The following DPP6 variants were observed in gnomAD, a reference collection of about 807,000 sequenced individuals.
DPP6 encodes dipeptidyl peptidase like 6, also known as A-type potassium channel modulatory protein DPP6.
A neutral mutation model predicts 122.6 loss-of-function variants in DPP6; 69 were observed. The observed-to-expected ratio is 0.56, with a 90% CI of 0.46 to 0.69. The LOEUF (loss-of-function observed/expected upper bound fraction) is 0.69, where lower values mean the gene tolerates loss of function less well. DPP6 is among the 30% of genes least tolerant of loss of function. The pLI is 0.00. For synonymous variants in DPP6, 418 were observed against 433.1 expected, an observed-to-expected ratio of 0.97 and a Z score of 0.43; for missense variants, 928 against 1,116.9, an observed-to-expected ratio of 0.83 and a Z score of 2.41.
At chr7:154,567,818 G>A (rs1830855628) in intron 5 of DPP6, among the ~76,000 whole-genome samples, 1 of 152,186 alleles carries the variant, frequency 6.6e-6, no homozygotes, top group South Asian at 2.1e-4. Context: ...AGACAGTCAA[G>A]CTTTTTGGTT....
intron 3 of DPP6, among the ~76,000 whole-genome samples, chr7:154,495,681 C>A (rs548490997): frequency 6.6e-6 from 1 of 152,196 alleles, no homozygotes; most frequent in Non-Finnish European, 1.5e-5. Flanking sequence ...TGAGCCACTG[C>A]GGCCGGCCTG....
chr7:154,692,676 A>G (rs945202245), intron 7 of DPP6, among the ~76,000 whole-genome samples: 1 of 152,000 alleles, frequency 6.6e-6, no homozygotes, highest in African/African-American at 2.4e-5. Context: ...CTACATAGAG[A>G]CCCACTCACC....
chr7:153,880,070 ATG>A, the DPP6 span, among the ~76,000 whole-genome samples: 1 of 152,222 alleles, frequency 6.6e-6, no homozygotes, highest in Non-Finnish European at 1.5e-5. Context: ...TCATTTATGA[ATG>A]TGTCACAAAA....
At chr7:154,276,249 T>C (rs1477595070) in intron 1 of DPP6, among the ~76,000 whole-genome samples, 2 of 152,184 alleles carry the variant, frequency 1.3e-5, no homozygotes, top group Non-Finnish European at 2.9e-5. Flanking sequence ...GACATTGAAT[T>C]GCTAACTGAT....
intron 10 of DPP6, among the ~76,000 whole-genome samples, chr7:154,789,145 CT>C (rs889027760): frequency 6.6e-6 from 1 of 152,202 alleles, no homozygotes; most frequent in African/African-American, 2.4e-5. Context: ...TGTGTTCTGA[CT>C]TTTTAGGTGC....
intron 16 of DPP6, among the ~76,000 whole-genome samples, chr7:154,841,484 T>A (rs1193355692): frequency 1.3e-5 from 2 of 152,196 alleles, no homozygotes; most frequent in African/African-American, 4.8e-5. Flanking sequence ...ATAAAACTGA[T>A]GCTGTGAGTT....
At chr7:154,142,373 A>T (rs1022957699) in intron 1 of DPP6, among the ~76,000 whole-genome samples, 11 of 152,322 alleles carry the variant, frequency 7.2e-5, no homozygotes, top group African/African-American at 2.6e-4. Context: ...GGGCAGATAT[A>T]CAGTGAACAC....
At chr7:154,868,210 T>C (rs1387832250) in intron 18 of DPP6, 117 bp downstream of exon 18, 68 of 1,340,440 alleles carry the variant, frequency 5.1e-5, no homozygotes, top group Non-Finnish European at 6.3e-5. Context: ...CACGGGGGTG[T>C]ATCTTTGCCC....
In DPP6 at chr7:154,892,271, T is replaced by C. The variant is rs1806677940; in HGVS notation, c.2452-63T>C. On this transcript the variant is annotated intron_variant, in intron 25 of 25. Transcript: ENST00000377770. Reference sequence around the variant, plus strand: ...GTTTCACTAAACTCCACACCTTCTGTGCGTTCCCGTCCCCTGGGGAGCGTA... The same window carrying C: ...GTTTCACTAAACTCCACACCTTCTGCGCGTTCCCGTCCCCTGGGGAGCGTA... 21 of 1,609,192 alleles carry C rather than the reference T, an allele frequency of 1.3e-5. No individual in the cohort carries two copies. In the South Asian group the frequency reaches 2.3e-4, roughly 18 times the overall value.
chr7:154,762,657 G>A (rs540186057), intron 8 of DPP6, among the ~76,000 whole-genome samples: 49 of 152,332 alleles, frequency 3.2e-4, no homozygotes, highest in African/African-American at 8.9e-4. Flanking sequence ...CAGTAGACCC[G>A]GAAGCTTAGA....
At chr7:154,264,505 T>C (rs1438001273) in intron 1 of DPP6, among the ~76,000 whole-genome samples, 1 of 152,158 alleles carries the variant, frequency 6.6e-6, no homozygotes, top group African/African-American at 2.4e-5. Context: ...GTAATAACAA[T>C]GTCTGTCTTG....
intron 1 of DPP6, among the ~76,000 whole-genome samples, chr7:154,152,062 C>T (rs1055095296): frequency 1.3e-5 from 2 of 151,016 alleles, no homozygotes; most frequent in Non-Finnish European, 2.9e-5. Context: ...CCACAGAAAC[C>T]ACACTGTTGG....
At chr7:153,873,292 A>T in the DPP6 span, among the ~76,000 whole-genome samples, 2 of 152,182 alleles carry the variant, frequency 1.3e-5, no homozygotes, top group South Asian at 4.1e-4. Context: ...ATTAAGCCCC[A>T]CCTCCAACAC....
intron 5 of DPP6, among the ~76,000 whole-genome samples, chr7:154,623,048 G>C (rs1400046048): frequency 6.6e-6 from 1 of 152,198 alleles, no homozygotes; most frequent in East Asian, 1.9e-4. Context: ...GACCCGTCTG[G>C]ATTGTCTCCT....
intron 6 of DPP6, among the ~76,000 whole-genome samples, chr7:154,643,049 C>T (rs895798512): frequency 2.0e-5 from 3 of 152,140 alleles, no homozygotes; most frequent in African/African-American, 7.2e-5. Flanking sequence ...TTCTAGCCAT[C>T]TTGAAAATCT....
At chr7:154,304,875 A>G (rs1438803284) in intron 1 of DPP6, among the ~76,000 whole-genome samples, 1 of 152,178 alleles carries the variant, frequency 6.6e-6, no homozygotes, top group African/African-American at 2.4e-5. Flanking sequence ...CCCCCTGTCC[A>G]GGTACGCGCT....
chr7:154,105,666 A>G (rs140411674), intron 1 of DPP6, among the ~76,000 whole-genome samples: 1 of 151,940 alleles, frequency 6.6e-6, no homozygotes, highest in Non-Finnish European at 1.5e-5. Flanking sequence ...TGCTGTTCTC[A>G]TGAGAATGAA....
chr7:153,765,526 G>A, the DPP6 span, among the ~76,000 whole-genome samples: 1 of 147,210 alleles, frequency 6.8e-6, no homozygotes, highest in Non-Finnish European at 1.5e-5. Flanking sequence ...TGGGCAAGAA[G>A]AGCAAAACTT....
intron 1 of DPP6, among the ~76,000 whole-genome samples, chr7:154,086,246 G>A (rs1423253448): frequency 6.6e-6 from 1 of 150,554 alleles, no homozygotes; most frequent in African/African-American, 2.4e-5. Flanking sequence ...GGTGAGCAGG[G>A]TTAGGCAACT....
Sources: allele counts gnomAD v4.1 joint callset (sites outside exome capture counted in the v4.1 genomes callset), GRCh38; gene constraint gnomAD v4.1.1; transcripts MANE v1.5; gene names NCBI Gene and HGNC (gene_info 2026-07-23, HGNC 2026-07-21).